Variants in DMTF1 observed in about 807,000 individuals in gnomAD.
DMTF1 encodes the protein cyclin D binding myb like transcription factor 1.
DMTF1 carries 39 observed loss-of-function variants against 91.1 expected under a neutral mutation model. The ratio of observed to expected loss-of-function variants is 0.43; its 90% CI spans 0.33 to 0.56. The LOEUF is 0.56. Among genes scored for constraint, DMTF1 ranks in the 20% least tolerant of loss-of-function variants. The pLI, the probability that DMTF1 is intolerant of heterozygous loss-of-function variation, is 0.05. For synonymous variants in DMTF1, 338 were observed against 309.5 expected (o/e 1.09, Z -0.97); for missense variants, 750 against 914.5 (o/e 0.82, Z 2.32).
intron 5 of DMTF1, among the ~76,000 whole-genome samples, chr7:87,173,156 A>G (rs2129105183): frequency 6.6e-6 from 1 of 152,296 alleles, no homozygotes; most frequent in South Asian, 2.1e-4. Context: ...TAATAACTGT[A>G]TATTGTATAT....
At chr7:87,173,461 G>A in intron 5 of DMTF1, 74 bp from the exon 6 acceptor site, 8 of 829,692 alleles carry the variant, frequency 9.6e-6, no homozygotes, top group Admixed American at 2.3e-5. Flanking sequence ...AGATGAATCC[G>A]GTTGAGCATT....
At chr7:87,164,005 G>C (rs371066015) in intron 2 of DMTF1, among the ~76,000 whole-genome samples, 1 of 135,762 alleles carries the variant, frequency 7.4e-6, no homozygotes, top group East Asian at 2.2e-4. Context: ...GACTGTGCCT[G>C]TGAATAGCCT....
chr7:87,193,181 T>C lies in DMTF1; in HGVS notation c.1495-17T>C. 6.2e-7 allele frequency: 1 copy of C among 1,612,124 alleles called. No homozygotes were observed. Among genetic ancestry groups the C allele is most frequent in the South Asian group, 1.1e-5 (1 of 90,974 alleles). The stretch of plus-strand genomic sequence containing the variant: ...TAGACTTAATCATTGTTAAACTATC[T>C]TTCCTTTTTCCTTTAGTCTTTCCAT... On this transcript the variant is annotated splice_polypyrimidine_tract_variant and intron_variant, in intron 14 of 17. Transcript: ENST00000331242.
rs767617341 is a variant in DMTF1 at position 87,193,370 on chromosome 7, A to G, written c.1650+17A>G. Reference sequence around the variant, plus strand: ...GCTTTATCCGTATGTTACATAAATTACTTGATTTTTGAGTACCTGTTATAG... The same window carrying G: ...GCTTTATCCGTATGTTACATAAATTGCTTGATTTTTGAGTACCTGTTATAG... On this transcript the variant is annotated intron_variant, in intron 15 of 17. Coordinates refer to ENST00000331242, the MANE Select transcript of DMTF1 (RefSeq NM_001142327.2). The G allele has an allele frequency of 1.9e-6, 3 of 1,612,502 alleles. 1 individual carries two copies. Among genetic ancestry groups the G allele is most frequent in the Non-Finnish European group, 2.5e-6 (3 of 1,179,042 alleles).
At chr7:87,190,859 A>G (rs1317668612) in intron 13 of DMTF1, 86 bp from the exon 14 acceptor site, 6 of 1,098,392 alleles carry the variant, frequency 5.5e-6, no homozygotes, top group Non-Finnish European at 7.8e-6. Flanking sequence ...TGCCTTTATG[A>G]TAATTGAGTA....
intron 1 of DMTF1, among the ~76,000 whole-genome samples, chr7:87,161,377 C>G (rs1483717850): frequency 6.6e-6 from 1 of 152,182 alleles, no homozygotes; most frequent in African/African-American, 2.4e-5. Flanking sequence ...TGGCACACGC[C>G]TGTAGTCCCA....
Position 87,186,194 on chromosome 7 carries a change from A to G in DMTF1, c.1201+214A>G, listed in dbSNP as rs1798379194. On this transcript the variant is annotated intron_variant, in intron 12 of 17. Transcript: ENST00000331242. ...AAGCCCCTAAAATGAAAATGTACACACTTATTCTTGTTCTTCTACGTAAAC... is the reference window on the plus strand; with the variant it reads ...AAGCCCCTAAAATGAAAATGTACACGCTTATTCTTGTTCTTCTACGTAAAC... 4 of 526,592 alleles carry G rather than the reference A, an allele frequency of 7.6e-6. No individual in the cohort carries two copies. In the East Asian group the frequency reaches 1.2e-4, roughly 16 times the overall value. The allele number at this position is 526,592 out of a possible 1,614,324, so 32.6% of individuals were successfully genotyped here.
intron 12 of DMTF1, 50 bp from the exon 13 acceptor site, chr7:87,188,042 G>A (rs1293833066): frequency 2.0e-6 from 3 of 1,492,082 alleles, no homozygotes; most frequent in Non-Finnish European, 9.3e-7. Flanking sequence ...TGCTTAGATG[G>A]TGGTCTGTCG....
intron 4 of DMTF1, among the ~76,000 whole-genome samples, chr7:87,168,787 C>T (rs1047528830): frequency 3.3e-5 from 5 of 152,282 alleles, no homozygotes; most frequent in Non-Finnish European, 7.4e-5. Flanking sequence ...ATGCTGCCCA[C>T]CAGTAACAAC....
rs1377977014 is a variant in DMTF1 at position 87,182,409 on chromosome 7, T to TCTTTG, written c.820+75_820+79dup. ...TCCTGCCCCTTAGGATACTGCCTTT[T>TCTTTG]CTTTGCTCTTGGGGAGCGATTTAGA... On this transcript the variant is annotated intron_variant, in intron 10 of 17. Coordinates refer to ENST00000331242, the MANE Select transcript of DMTF1 (RefSeq NM_001142327.2). The TCTTTG allele has an allele frequency of 1.9e-5, 28 of 1,475,756 alleles. No individual in the cohort carries two copies. In the African/African-American group the frequency reaches 3.7e-4, roughly 20 times the overall value. The allele number at this position is 1,475,756 out of a possible 1,614,324, so 91.4% of individuals were successfully genotyped here.
At chr7:87,158,907 A>G (rs890918336) in intron 1 of DMTF1, among the ~76,000 whole-genome samples, 16 of 152,120 alleles carry the variant, frequency 1.1e-4, no homozygotes, top group Admixed American at 6.5e-4. Flanking sequence ...TAAAAGTTGT[A>G]TTTTTCAATC....
chr7:87,169,715 A>G (rs970584170), intron 4 of DMTF1, among the ~76,000 whole-genome samples: 2 of 152,040 alleles, frequency 1.3e-5, no homozygotes, highest in African/African-American at 4.8e-5. Context: ...ACTTTTGACA[A>G]TATTTATTAC....
intron 1 of DMTF1, among the ~76,000 whole-genome samples, chr7:87,158,385 A>G (rs73206910): frequency 0.026 from 3,957 of 152,176 alleles, 78 homozygotes; most frequent in East Asian, 0.065. Flanking sequence ...CTGTACCATT[A>G]TTTAAATGGC....
chr7:87,164,970 C>T lies in DMTF1; in HGVS notation c.29C>T (p.Thr10Ile), dbSNP rs1793469018. The change falls in exon 3 of 18, where the codon ACA becomes ATA. Residue 10 changes from threonine (T) to isoleucine (I), a missense_variant. This residue lies in a region of DMTF1 where 150 missense variants were observed against 150.4 expected (regional missense o/e 1.00). Transcript: ENST00000331242. ...AGCACAGTGGAAGAGGATTCTGACA[C>T]AGTAACAGTAGAAACTGTGAACTCT... The part of the protein sequence containing the change: MSTVEEDSD[T>I]VTVETVNSVT... 5 of 1,609,254 alleles carry T rather than the reference C, an allele frequency of 3.1e-6. No individual in the cohort carries two copies. Among genetic ancestry groups the T allele is most frequent in the Admixed American group, 1.7e-5 (1 of 59,418 alleles).
At chr7:87,157,799 C>T (rs1001585868) in intron 1 of DMTF1, among the ~76,000 whole-genome samples, 1 of 151,316 alleles carries the variant, frequency 6.6e-6, no homozygotes, top group East Asian at 1.9e-4. Flanking sequence ...ATAATGAAGA[C>T]ACAATAACTC....
chr7:87,184,857 G>A (rs1363117038), intron 11 of DMTF1: 9 of 628,442 alleles, frequency 1.4e-5, no homozygotes, highest in Admixed American at 4.2e-5. Context: ...GATTGAAGGC[G>A]TGGAGACTGA....
At chr7:87,152,944 A>T (rs751552913) in intron 1 of DMTF1, 1 of 154,608 alleles carries the variant, frequency 6.5e-6, no homozygotes. Flanking sequence ...GAGTGGAGAC[A>T]GTAAGGAAGC....
At position 87,184,472 on chromosome 7, in the gene DMTF1, T is replaced by C; in HGVS notation, c.896T>C (p.Ile299Thr). 6.2e-7 allele frequency: 1 copy of C among 1,613,990 alleles called. No homozygotes were observed. The highest frequency in any genetic ancestry group is 1.3e-5 in the African/African-American group (1 of 75,030). Reference sequence around the variant, plus strand: ...TTGACAAGCACTGAGCCAGGTGACATAGTCACACAGGGTGTGTCTTGGGCA... The same window carrying C: ...TTGACAAGCACTGAGCCAGGTGACACAGTCACACAGGGTGTGTCTTGGGCA... ...HELTSTEPGDIVTQGVSWAAV... is the reference protein window; with the variant it reads ...HELTSTEPGDTVTQGVSWAAV... The change falls in exon 11 of 18, where the codon ATA (isoleucine) becomes ACA (threonine). Residue 299 changes from isoleucine (I) to threonine (T), a missense_variant. Ile to Thr is a moderately conservative substitution (Grantham distance 89). This residue lies in a region of DMTF1 where 190 missense variants were observed against 343.8 expected (regional missense o/e 0.55). Transcript: ENST00000331242.
rs1267385421 is a variant in DMTF1, at chr7:87,184,423, A to G, written c.847A>G (p.Arg283Gly). 6.2e-7 allele frequency: 1 copy of G among 1,613,768 alleles called. No homozygotes were observed. The highest frequency in any genetic ancestry group is 8.5e-7 in the Non-Finnish European group (1 of 1,179,882). Reference protein sequence around the residue: ...TGKWTEEEEKRLAEVVHELTS... With the variant: ...TGKWTEEEEKGLAEVVHELTS... The stretch of plus-strand genomic sequence containing the variant: ...GAAGTGGACAGAAGAAGAAGAAAAG[A>G]GACTTGCAGAAGTGGTTCATGAGTT... The change falls in exon 11 of 18, where the codon AGA becomes GGA. Residue 283 changes from arginine to glycine, a missense_variant. By Grantham distance (125) the Arg-to-Gly change is moderately radical. This residue lies in a region of DMTF1 where 190 missense variants were observed against 343.8 expected (regional missense o/e 0.55). Coordinates refer to ENST00000331242, the MANE Select transcript of DMTF1 (RefSeq NM_001142327.2).
Sources: allele counts gnomAD v4.1 joint callset (sites outside exome capture counted in the v4.1 genomes callset), GRCh38; gene constraint gnomAD v4.1.1; regional missense constraint gnomAD v4.1.1; transcripts MANE v1.5; gene names NCBI Gene and HGNC (gene_info 2026-07-23, HGNC 2026-07-21).